The following SDK2 variants were observed in gnomAD, a reference collection of about 807,000 sequenced individuals.
SDK2 encodes protein sidekick-2.
Under a neutral mutation model 253.9 loss-of-function variants are expected in SDK2, and 105 were observed. That is an observed-to-expected ratio of 0.41 (90% confidence interval 0.35 to 0.49). The LOEUF (loss-of-function observed/expected upper bound fraction) is 0.49. Ranked by LOEUF, SDK2 falls within the 20% of genes least tolerant of loss-of-function variation. The probability of loss-of-function intolerance (pLI) is 0.06; values close to 1 mark genes in which losing one functional copy is unlikely to be tolerated. For missense variants in SDK2, 2,608 were observed against 3,003.0 expected, an observed-to-expected ratio of 0.87 and a Z score of 3.07; for synonymous variants, 1,249 against 1,234.9, an observed-to-expected ratio of 1.01 and a Z score of -0.24.
At position 73,352,002 on chromosome 17, in the gene SDK2, A is replaced by G. The variant is rs965104775; in HGVS notation, c.5758+471T>C. On this transcript the variant is annotated intron_variant, in intron 41 of 44. Coordinates refer to ENST00000392650, the MANE Select transcript of SDK2 (RefSeq NM_001144952.2). The surrounding 1 kb of genome is among the most constrained non-coding windows in gnomAD (Gnocchi z 4.1). Reference sequence around the variant, plus strand: ...GCGCTCCAAGACATGCCAGATAGGAAGAATGAGGGGAGGAAAATGGGAGGG... The same window carrying G: ...GCGCTCCAAGACATGCCAGATAGGAGGAATGAGGGGAGGAAAATGGGAGGG... 1.3e-5 allele frequency among the ~76,000 whole-genome samples: 2 copies of G among 152,050 alleles called. No homozygotes were observed. The highest frequency in any genetic ancestry group is 4.8e-5 in the African/African-American group (2 of 41,400).
At chr17:73,459,087 C>T (rs1466008291) in intron 3 of SDK2, among the ~76,000 whole-genome samples, 1 of 152,080 alleles carries the variant, frequency 6.6e-6, no homozygotes, top group Non-Finnish European at 1.5e-5. Flanking sequence ...AAGCTCAAAC[C>T]CCTGGAGCCT....
At chr17:73,543,894 G>T (rs544654249) in intron 1 of SDK2, among the ~76,000 whole-genome samples, 12 of 152,190 alleles carry the variant, frequency 7.9e-5, no homozygotes, top group African/African-American at 2.9e-4. Flanking sequence ...CACTCATCAC[G>T]GGGAAGAGGC....
chr17:73,388,119 G>C (rs1212559643), intron 29 of SDK2, 82 bp from the exon 30 acceptor site: 64 of 976,500 alleles, frequency 6.6e-5, no homozygotes, highest in Non-Finnish European at 9.3e-5. Flanking sequence ...GGGAGGAAAG[G>C]AGGTGATCTG....
In SDK2 at chr17:73,481,018, T is replaced by A. The variant is rs550889689; in HGVS notation, c.225-8800A>T. Among the ~76,000 whole-genome samples, 21 of 152,330 alleles carry A rather than the reference T, an allele frequency of 1.4e-4. No homozygotes were observed. The East Asian group carries it at 3.9e-3, about 28-fold the overall frequency. On this transcript the variant is annotated intron_variant, in intron 2 of 44. Transcript: ENST00000392650. The surrounding 1 kb of genome is among the most constrained non-coding windows in gnomAD (Gnocchi z 4.5). ...TCTGTGGATGGTACTTGGGGAAGGA[T>A]GCTGTGCTCCTGGCTGGGAGGCTAC...
chr17:73,434,457 C>A (rs1479405937), intron 9 of SDK2, among the ~76,000 whole-genome samples: 1 of 152,194 alleles, frequency 6.6e-6, no homozygotes, highest in East Asian at 1.9e-4. Context: ...TGGTAGCCAC[C>A]TTTGGGGCAC....
chr17:73,613,345 C>T (rs186393532), intron 1 of SDK2, among the ~76,000 whole-genome samples: 1 of 151,920 alleles, frequency 6.6e-6, no homozygotes, highest in African/African-American at 2.4e-5. Flanking sequence ...GCTCCCTCCC[C>T]CTCTGCTCTC....
chr17:73,409,648 A>G (rs2063109250), intron 18 of SDK2, among the ~76,000 whole-genome samples: 1 of 152,094 alleles, frequency 6.6e-6, no homozygotes, highest in Non-Finnish European at 1.5e-5. Context: ...AGGAAGAAAA[A>G]AAAAACACAA....
chr17:73,375,433 G>A (rs1196680127), intron 36 of SDK2, among the ~76,000 whole-genome samples: 1 of 151,826 alleles, frequency 6.6e-6, no homozygotes, highest in East Asian at 1.9e-4. Flanking sequence ...TTTTTGTAGA[G>A]ACAGGCTTTT....
Position 73,361,841 on chromosome 17 carries a change from G to A in SDK2, c.5310C>T (p.Val1770=). 1.3e-6 allele frequency: 2 copies of A among 1,586,428 alleles called. No individual in the cohort carries two copies. The highest frequency in any genetic ancestry group is 1.7e-6 in the Non-Finnish European group (2 of 1,164,546). ...TCACGTCCACGGTCACGATCTTGCTGACTCCTGGGGGAGGCACAGCAAGTG... is the reference window on the plus strand; with the variant it reads ...TCACGTCCACGGTCACGATCTTGCTAACTCCTGGGGGAGGCACAGCAAGTG... ...VYEPCSPVDG[V]SKIVTVDVKG... is the part of the protein sequence containing the mutation. The change falls in exon 39 of 45, where the codon GTC becomes GTT. Residue 1770 remains valine (V), a synonymous_variant. Transcript: ENST00000392650. This position sits in a 1 kb window ranked among gnomAD's most constrained non-coding sequence, Gnocchi z 4.1.
chr17:73,589,946 G>C (rs746405260), intron 1 of SDK2, among the ~76,000 whole-genome samples: 3 of 152,276 alleles, frequency 2.0e-5, no homozygotes, highest in Non-Finnish European at 2.9e-5. Flanking sequence ...GCAAGCAGCT[G>C]TCAGGCAGGA....
chr17:73,556,252 C>G (rs995143771), intron 1 of SDK2, among the ~76,000 whole-genome samples: 3 of 152,204 alleles, frequency 2.0e-5, no homozygotes, highest in African/African-American at 7.2e-5. Flanking sequence ...CAGAGCAAAA[C>G]AGCTAACAGC....
At chr17:73,387,064 G>A (rs1369751007) in intron 30 of SDK2, among the ~76,000 whole-genome samples, 3 of 152,166 alleles carry the variant, frequency 2.0e-5, no homozygotes, top group Non-Finnish European at 2.9e-5. Flanking sequence ...GCGTTCAAGC[G>A]ATTCTTGTGC....
intron 6 of SDK2, among the ~76,000 whole-genome samples, chr17:73,439,702 T>C (rs1248727942): frequency 6.6e-6 from 1 of 152,204 alleles, no homozygotes; most frequent in Non-Finnish European, 1.5e-5. Flanking sequence ...TCAGGCTGGG[T>C]CAGCGCGCTG....
rs370056228 is a variant in SDK2 at position 73,534,780 on chromosome 17, G to A, written c.65-27183C>T. On this transcript the variant is annotated intron_variant, in intron 1 of 44. Transcript: ENST00000392650. The surrounding 1 kb of genome is among the most constrained non-coding windows in gnomAD (Gnocchi z 4.9). ...TTCTTCCTCTCATCTAGGGGAAAGC[G>A]GCTTCTATTACCTAAACTCCCCTTC... Among the ~76,000 whole-genome samples the A allele has an allele frequency of 2.6e-4, 40 of 152,256 alleles. No homozygotes were observed. In the East Asian group the frequency reaches 7.1e-3, roughly 27 times the overall value.
chr17:73,608,063 G>A lies in SDK2; in HGVS notation c.64+35962C>T, dbSNP rs909529409. The stretch of plus-strand genomic sequence containing the variant: ...CCCACAGTACACTTGGACTTCCCTC[G>A]TCTTTCCCTAATGTCCCTTTCTGTT... On this transcript the variant is annotated intron_variant, in intron 1 of 44. Transcript: ENST00000392650. 5.9e-5 allele frequency among the ~76,000 whole-genome samples: 9 copies of A among 152,034 alleles called. No homozygotes were observed. In the Middle Eastern group the frequency reaches 0.01, roughly 172 times the overall value.
intron 2 of SDK2, among the ~76,000 whole-genome samples, chr17:73,482,696 T>C (rs904786733): frequency 6.6e-6 from 1 of 152,214 alleles, no homozygotes; most frequent in Admixed American, 6.5e-5. Context: ...ATCAGCCCAG[T>C]GGTCCCCACA....
intron 1 of SDK2, among the ~76,000 whole-genome samples, chr17:73,576,716 C>G (rs2145875928): frequency 6.6e-6 from 1 of 152,276 alleles, no homozygotes; most frequent in East Asian, 1.9e-4. Flanking sequence ...AGGGGGTTGC[C>G]AGTACCTATA....
At chr17:73,348,520 G>A in intron 44 of SDK2, 79 bp downstream of exon 44, 1 of 1,508,858 alleles carries the variant, frequency 6.6e-7, no homozygotes, top group Admixed American at 1.9e-5. Context: ...AAGGAAGAAA[G>A]CCCATCTACG....
intron 1 of SDK2, among the ~76,000 whole-genome samples, chr17:73,532,459 C>T (rs1308426932): frequency 6.6e-6 from 1 of 152,156 alleles, no homozygotes; most frequent in Non-Finnish European, 1.5e-5. Context: ...AAGGTGCCAG[C>T]TGCCTCCCAG....
Sources: gnomAD v4.1 joint callset for allele counts (sites outside exome capture counted in the v4.1 genomes callset) on GRCh38, gnomAD v4.1.1 for gene constraint, Gnocchi (gnomAD v3.1) non-coding constraint, MANE v1.5 for transcripts, NCBI Gene and HGNC (gene_info 2026-07-23, HGNC 2026-07-21) for gene names.